RAPGEF2: variants seen among roughly 807,000 people sequenced by gnomAD.
The protein encoded by RAPGEF2 is PDZ domain containing guanine nucleotide exchange factor (GEF) 1.
A neutral mutation model predicts 186.7 loss-of-function variants in RAPGEF2; 54 were observed. That is an observed-to-expected ratio of 0.29 (90% confidence interval 0.23 to 0.36). RAPGEF2 has a LOEUF of 0.36. RAPGEF2 is among the 10% of genes least tolerant of loss of function. The pLI is 1.00. For missense variants in RAPGEF2, 1,532 were observed against 2,045.0 expected, an observed-to-expected ratio of 0.75 and a Z score of 4.84; for synonymous variants, 712 against 705.9, an observed-to-expected ratio of 1.01 and a Z score of -0.14.
At chr4:159,329,824 T>G in intron 11 of RAPGEF2, 34 bp from the exon 12 acceptor site, 2 of 1,584,706 alleles carry the variant, frequency 1.3e-6, no homozygotes, top group Non-Finnish European at 1.7e-6. Flanking sequence ...TGCAAGCACT[T>G]TATCATTAAC....
intron 7 of RAPGEF2, among the ~76,000 whole-genome samples, chr4:159,275,556 T>A (rs1561192637): frequency 6.6e-6 from 1 of 152,162 alleles, no homozygotes; most frequent in Non-Finnish European, 1.5e-5. Context: ...CTTTAATTTT[T>A]AATTTTAGTA....
At chr4:159,149,211 A>G (rs1470822160) in intron 1 of RAPGEF2, among the ~76,000 whole-genome samples, 1 of 152,102 alleles carries the variant, frequency 6.6e-6, no homozygotes, top group Non-Finnish European at 1.5e-5. Flanking sequence ...GGCACTTAAA[A>G]CTATTGCTTT....
intron 9 of RAPGEF2, among the ~76,000 whole-genome samples, chr4:159,315,138 A>G (rs1764409509): frequency 6.6e-6 from 1 of 152,052 alleles, no homozygotes; most frequent in African/African-American, 2.4e-5. Flanking sequence ...GTATGTAAAC[A>G]TAAAGGCAGT....
At chr4:159,297,749 T>C (rs1157267875) in intron 7 of RAPGEF2, among the ~76,000 whole-genome samples, 1 of 152,180 alleles carries the variant, frequency 6.6e-6, no homozygotes, top group African/African-American at 2.4e-5. Context: ...TTGAAAAATA[T>C]CTGGCCTAAG....
chr4:159,317,435 T>C (rs1210891498), intron 9 of RAPGEF2, among the ~76,000 whole-genome samples: 1 of 152,124 alleles, frequency 6.6e-6, no homozygotes, highest in Non-Finnish European at 1.5e-5. Context: ...AATAAACCTA[T>C]TGCAGGCAGT....
intron 7 of RAPGEF2, among the ~76,000 whole-genome samples, chr4:159,253,802 G>T (rs985559901): frequency 7.2e-5 from 11 of 152,012 alleles, no homozygotes; most frequent in African/African-American, 2.7e-4. Flanking sequence ...CCCCGTCTCT[G>T]CTAAAAATAC....
intron 3 of RAPGEF2, among the ~76,000 whole-genome samples, chr4:159,200,314 A>G (rs1175492335): frequency 6.6e-6 from 1 of 151,976 alleles, no homozygotes; most frequent in Non-Finnish European, 1.5e-5. Flanking sequence ...AAAAAATACA[A>G]AAATTAGCCA....
chr4:159,266,659 T>C (rs946828980), intron 7 of RAPGEF2, among the ~76,000 whole-genome samples: 16 of 152,164 alleles, frequency 1.1e-4, no homozygotes, highest in Admixed American at 7.2e-4. Context: ...TGTGTGTGTA[T>C]GGGTGTTTGT....
intron 7 of RAPGEF2, among the ~76,000 whole-genome samples, chr4:159,279,114 G>T (rs1310844252): frequency 6.6e-6 from 1 of 152,094 alleles, no homozygotes; most frequent in East Asian, 1.9e-4. Context: ...AAAATGGAAG[G>T]CTCCCTTTGT....
intron 3 of RAPGEF2, among the ~76,000 whole-genome samples, chr4:159,207,575 A>G (rs1750114141): frequency 6.6e-6 from 1 of 152,226 alleles, no homozygotes; most frequent in Admixed American, 6.5e-5. Flanking sequence ...CTGAATAATT[A>G]TTTGCATTTA....
chr4:159,245,455 C>T (rs1459771688), intron 7 of RAPGEF2, among the ~76,000 whole-genome samples: 1 of 151,976 alleles, frequency 6.6e-6, no homozygotes. Context: ...AGGTTCCTGG[C>T]AGAGGCTGGA....
At chr4:159,145,503 GCCAAAAACATTA>G (rs1214252339) in intron 1 of RAPGEF2, among the ~76,000 whole-genome samples, 4 of 151,472 alleles carry the variant, frequency 2.6e-5, no homozygotes, top group Non-Finnish European at 5.9e-5. Flanking sequence ...CAAAAACATT[GCCAAAAACATTA>G]CCAAAAACAT....
Position 159,314,772 on chromosome 4 carries a change from A to C in RAPGEF2, c.853+4A>C. ...GACCGGACAGATGATGACATTGGTA[A>C]GCTTGAACAGGAAAATGAATCTACG... On this transcript the variant is annotated splice_donor_region_variant and intron_variant, in intron 9 of 29. Coordinates refer to ENST00000691494, the MANE Select transcript of RAPGEF2 (RefSeq NM_001394067.2). 6.3e-7 allele frequency: 1 copy of C among 1,575,156 alleles called. No homozygotes were observed. The highest frequency in any genetic ancestry group is 1.2e-5 in the South Asian group (1 of 84,920).
intron 1 of RAPGEF2, among the ~76,000 whole-genome samples, chr4:159,156,620 G>T (rs970842789): frequency 1.3e-5 from 2 of 152,092 alleles, no homozygotes; most frequent in African/African-American, 4.8e-5. Flanking sequence ...TTCTCCTAAT[G>T]CTATCCCTCC....
intron 2 of RAPGEF2, among the ~76,000 whole-genome samples, chr4:159,189,236 C>G (rs187762168): frequency 6.6e-6 from 1 of 152,152 alleles, no homozygotes; most frequent in African/African-American, 2.4e-5. Context: ...CAGCAACATT[C>G]GTGTTCTCCT....
At chr4:159,332,361 C>A in intron 16 of RAPGEF2, 90 bp from the exon 17 acceptor site, 1 of 1,352,152 alleles carries the variant, frequency 7.4e-7, no homozygotes. Context: ...CTGTACTTCT[C>A]ATATATTTCC....
At chr4:159,292,586 C>A (rs1016395939) in intron 7 of RAPGEF2, among the ~76,000 whole-genome samples, 1 of 152,068 alleles carries the variant, frequency 6.6e-6, no homozygotes, top group Non-Finnish European at 1.5e-5. Context: ...GTACATCCAC[C>A]CTTCTTCCTA....
chr4:159,220,336 C>G (rs1364829663), intron 4 of RAPGEF2, among the ~76,000 whole-genome samples: 1 of 143,804 alleles, frequency 7.0e-6, no homozygotes, highest in Non-Finnish European at 1.5e-5. Context: ...AGGGGAGGTA[C>G]TTGCAGAAGT....
chr4:159,222,768 C>T (rs550421202), intron 4 of RAPGEF2, among the ~76,000 whole-genome samples: 3 of 151,728 alleles, frequency 2.0e-5, no homozygotes, highest in African/African-American at 4.8e-5. Flanking sequence ...GTATTGGGGT[C>T]GCTAACAGAA....
Sources: allele counts gnomAD v4.1 joint callset (sites outside exome capture counted in the v4.1 genomes callset), GRCh38; gene constraint gnomAD v4.1.1; transcripts MANE v1.5; gene names NCBI Gene and HGNC (gene_info 2026-07-23, HGNC 2026-07-21).